Variants in PACSIN2 observed in about 807,000 individuals in gnomAD.
The protein encoded by PACSIN2 is protein kinase C and casein kinase substrate in neurons 2, also known as protein kinase C and casein kinase substrate in neurons protein 2.
PACSIN2 carries 25 observed loss-of-function variants against 63.8 expected under a neutral mutation model. That is an observed-to-expected ratio of 0.39 (90% CI 0.29 to 0.55). PACSIN2 has a LOEUF of 0.55. Ranked by LOEUF, PACSIN2 falls within the 20% of genes least tolerant of loss-of-function variation. The pLI is 0.62. For missense variants in PACSIN2, 518 were observed against 646.9 expected, an observed-to-expected ratio of 0.80 and a Z score of 2.16; for synonymous variants, 255 against 256.2, an observed-to-expected ratio of 1.00 and a Z score of 0.05.
chr22:42,996,466 AG>A (rs1222392986), intron 1 of PACSIN2, among the ~76,000 whole-genome samples: 2 of 151,314 alleles, frequency 1.3e-5, no homozygotes, highest in African/African-American at 4.9e-5. Context: ...CAGGCAGCAA[AG>A]GTTGCAGTGA....
At chr22:42,989,905 T>C (rs1008165334) in intron 1 of PACSIN2, among the ~76,000 whole-genome samples, 3 of 149,006 alleles carry the variant, frequency 2.0e-5, no homozygotes, top group African/African-American at 7.4e-5. Flanking sequence ...CACACATATA[T>C]GTATATATAT....
chr22:42,897,174 C>T (rs1348764803), intron 2 of PACSIN2, among the ~76,000 whole-genome samples: 1 of 152,164 alleles, frequency 6.6e-6, no homozygotes, highest in African/African-American at 2.4e-5. Flanking sequence ...TGGGCTCAAG[C>T]GATCCTCCCA....
At chr22:42,939,766 G>GA (rs1188373297) in intron 1 of PACSIN2, among the ~76,000 whole-genome samples, 2 of 152,214 alleles carry the variant, frequency 1.3e-5, no homozygotes, top group South Asian at 4.1e-4. Context: ...ACAAGAGGGA[G>GA]AGACACTCCC....
At chr22:42,916,858 G>A (rs751973087) in intron 1 of PACSIN2, among the ~76,000 whole-genome samples, 1 of 152,206 alleles carries the variant, frequency 6.6e-6, no homozygotes, top group Non-Finnish European at 1.5e-5. Flanking sequence ...GATAGCCATT[G>A]TTCTTAGAAT....
chr22:42,895,831 G>A (rs1022285263), intron 2 of PACSIN2, among the ~76,000 whole-genome samples: 5 of 152,342 alleles, frequency 3.3e-5, no homozygotes, highest in East Asian at 1.9e-4. Flanking sequence ...AGTTGGGACC[G>A]AGGCACCCCA....
At chr22:42,945,047 A>G (rs535076525) in intron 1 of PACSIN2, among the ~76,000 whole-genome samples, 34 of 151,744 alleles carry the variant, frequency 2.2e-4, no homozygotes, top group African/African-American at 8.0e-4. Flanking sequence ...GCGGTGAGCC[A>G]AGATCATACC....
intron 2 of PACSIN2, among the ~76,000 whole-genome samples, chr22:42,905,276 C>T (rs1930993568): frequency 6.6e-6 from 1 of 152,268 alleles, no homozygotes; most frequent in Non-Finnish European, 1.5e-5. Context: ...GGAAAGGTGA[C>T]CTCATTCATC....
intron 1 of PACSIN2, among the ~76,000 whole-genome samples, chr22:42,971,912 G>A (rs575944445): frequency 0.031 from 2,535 of 81,660 alleles, 102 homozygotes; most frequent in African/African-American, 0.12. Context: ...CCACCCGGCC[G>A]CCGCCCCGTC....
chr22:42,963,107 T>A (rs920040961), intron 1 of PACSIN2, among the ~76,000 whole-genome samples: 1 of 152,258 alleles, frequency 6.6e-6, no homozygotes, highest in Admixed American at 6.5e-5. Flanking sequence ...GCTTCTGTCA[T>A]CAAAGACTGG....
rs776614292 is a variant in PACSIN2 at position 42,891,159 on chromosome 22, T to G, written c.241A>C (p.Lys81Gln). 15 of 1,613,606 alleles carry G rather than the reference T, an allele frequency of 9.3e-6. No homozygotes were observed. In the South Asian group the frequency reaches 1.5e-4, roughly 17 times the overall value. The stretch of plus-strand genomic sequence containing the variant: ...TCGGACATGAAGGCCATCCAGGCCT[T>G]CTCCACGGTCCCGTACTGGGGCCCT... ...EKGPQYGTVE[K>Q]AWMAFMSEAE... The change falls in exon 4 of 11, where the codon AAG becomes CAG. Residue 81 changes from lysine to glutamine, a missense_variant. Physicochemically the swap from Lys to Gln is moderately conservative, Grantham distance 53. This residue lies in a region of PACSIN2 where 507 missense variants were observed against 612.3 expected (regional missense o/e 0.83). Coordinates refer to ENST00000263246, the MANE Select transcript of PACSIN2 (RefSeq NM_001184970.3).
chr22:42,903,782 C>A (rs1930867421), intron 2 of PACSIN2, among the ~76,000 whole-genome samples: 1 of 152,190 alleles, frequency 6.6e-6, no homozygotes, highest in Non-Finnish European at 1.5e-5. Flanking sequence ...AGACTCGATT[C>A]TGACCCAGCA....
chr22:42,916,075 C>T (rs555150481), intron 1 of PACSIN2, among the ~76,000 whole-genome samples: 65 of 152,214 alleles, frequency 4.3e-4, no homozygotes, highest in Admixed American at 6.5e-4. Flanking sequence ...GCTGGGTGAC[C>T]GCAGAAAGCC....
At chr22:42,932,508 C>T (rs1448754302) in intron 1 of PACSIN2, among the ~76,000 whole-genome samples, 3 of 152,144 alleles carry the variant, frequency 2.0e-5, no homozygotes, top group Non-Finnish European at 4.4e-5. Context: ...CTGACAGCGA[C>T]ACACTTGGGG....
chr22:42,999,632 C>T (rs1923638062), intron 1 of PACSIN2, among the ~76,000 whole-genome samples: 1 of 152,136 alleles, frequency 6.6e-6, no homozygotes, highest in Non-Finnish European at 1.5e-5. Context: ...CATGCCATTG[C>T]ACTCCAGCCT....
Position 42,891,173 on chromosome 22 carries a change from T to C in PACSIN2, c.227A>G (p.Tyr76Cys). The C allele has an allele frequency of 6.2e-7, 1 of 1,612,936 alleles. No homozygotes were observed. The highest frequency in any genetic ancestry group is 8.5e-7 in the Non-Finnish European group (1 of 1,179,468). ...CATCCAGGCCTTCTCCACGGTCCCG[T>C]ACTGGGGCCCTGTGCAGGGGAGAGA... Reference protein sequence around the residue: ...WRQLVEKGPQYGTVEKAWMAF... With the variant: ...WRQLVEKGPQCGTVEKAWMAF... The change falls in exon 4 of 11, where the codon TAC becomes TGC. Residue 76 changes from tyrosine to cysteine, a missense_variant. By Grantham distance (194) the Tyr-to-Cys change is radical (BLOSUM62 -2). Coordinates refer to ENST00000263246, the MANE Select transcript of PACSIN2 (RefSeq NM_001184970.3).
At chr22:42,876,802 G>A in intron 9 of PACSIN2, 86 bp downstream of exon 9, 1 of 1,558,456 alleles carries the variant, frequency 6.4e-7, no homozygotes, top group East Asian at 2.2e-5. Flanking sequence ...ATTGCCGAGT[G>A]CCGAGGGGTG....
chr22:42,913,401 C>T (rs1931588961), intron 1 of PACSIN2, among the ~76,000 whole-genome samples: 1 of 150,540 alleles, frequency 6.6e-6, no homozygotes, highest in African/African-American at 2.5e-5. Flanking sequence ...ATCGCTTGAA[C>T]CTGGGAGGTG....
At chr22:42,898,360 C>A (rs994997196) in intron 2 of PACSIN2, among the ~76,000 whole-genome samples, 1 of 152,006 alleles carries the variant, frequency 6.6e-6, no homozygotes, top group African/African-American at 2.4e-5. Flanking sequence ...CAACCTCTGC[C>A]TCCTTGGTTC....
In PACSIN2 at chr22:43,009,682, C is replaced by CT. The variant is rs1491451119; in HGVS notation, c.-78+5338dup. Among the ~76,000 whole-genome samples, 6 of 152,296 alleles carry CT rather than the reference C, an allele frequency of 3.9e-5. No individual in the cohort carries two copies. The East Asian group carries it at 1.2e-3, about 29-fold the overall frequency. On this transcript the variant is annotated intron_variant, in intron 1 of 10. Coordinates refer to ENST00000263246, the MANE Select transcript of PACSIN2 (RefSeq NM_001184970.3). The stretch of plus-strand genomic sequence containing the variant: ...CTAGTCTCCATCCACGCTCCTCCCC[C>CT]TCTGTCATCTCATATTCTTGGGAGG...
Sources: allele counts gnomAD v4.1 joint callset (sites outside exome capture counted in the v4.1 genomes callset), GRCh38; gene constraint gnomAD v4.1.1; regional missense constraint gnomAD v4.1.1; transcripts MANE v1.5; gene names NCBI Gene and HGNC (gene_info 2026-07-23, HGNC 2026-07-21).